ADAMTS9: variants seen among roughly 807,000 people sequenced by gnomAD.
ADAMTS9 encodes the protein A disintegrin and metalloproteinase with thrombospondin motifs 9.
ADAMTS9 carries 107 observed loss-of-function variants against 257.1 expected under a neutral mutation model. The ratio of observed to expected loss-of-function variants is 0.42; its 90% CI spans 0.36 to 0.49. ADAMTS9 has a LOEUF of 0.49. Ranked by LOEUF, ADAMTS9 falls within the 20% of genes least tolerant of loss-of-function variation. ADAMTS9 has a pLI of 0.03. For synonymous variants in ADAMTS9, 982 were observed against 880.9 expected, an observed-to-expected ratio of 1.11 and a Z score of -2.03; for missense variants, 2,353 against 2,469.1, an observed-to-expected ratio of 0.95 and a Z score of 1.00.
At chr3:64,673,454 G>A (rs12486194) in intron 3 of ADAMTS9, among the ~76,000 whole-genome samples, 1,922 of 152,268 alleles carry the variant, frequency 0.013, 25 homozygotes, top group Middle Eastern at 0.041. Context: ...AAGGGAAAAA[G>A]GGGCTATATG....
intron 23 of ADAMTS9, among the ~76,000 whole-genome samples, chr3:64,604,898 C>G (rs1407514532): frequency 6.6e-6 from 1 of 152,208 alleles, no homozygotes; most frequent in African/African-American, 2.4e-5. Context: ...GAACTGAGGT[C>G]ATCTGCGTAC....
At chr3:64,552,364 G>A (rs1183308822) in intron 30 of ADAMTS9, among the ~76,000 whole-genome samples, 2 of 152,106 alleles carry the variant, frequency 1.3e-5, no homozygotes, top group Non-Finnish European at 2.9e-5. Context: ...TGTTGCTAAA[G>A]GTCACTGAAA....
In ADAMTS9 at chr3:64,561,701, C is replaced by A; in HGVS notation, c.4575G>T (p.Gln1525His). 1 of 1,613,662 alleles carries A rather than the reference C, an allele frequency of 6.2e-7. No individual in the cohort carries two copies. Among genetic ancestry groups the A allele is most frequent in the Non-Finnish European group, 8.5e-7 (1 of 1,179,956 alleles). The part of the protein sequence containing the change: ...RGVQQRHVGC[Q>H]IGTHKIARET... ...CTCTGGCTATTTTGTGTGTTCCGAT[C>A]TGACAGCCCACATGCCTCTGCTGTA... The change falls in exon 30 of 40, where the codon CAG becomes CAT. Residue 1525 changes from glutamine (Q) to histidine (H), a missense_variant. Coordinates refer to ENST00000498707, the MANE Select transcript of ADAMTS9 (RefSeq NM_182920.2).
intron 3 of ADAMTS9, among the ~76,000 whole-genome samples, chr3:64,664,447 C>G (rs1158445556): frequency 2.0e-5 from 3 of 152,152 alleles, no homozygotes; most frequent in Non-Finnish European, 4.4e-5. Context: ...CCCCTTTCCT[C>G]AGCCCCTGGC....
chr3:64,586,304 C>T (rs1039437516), intron 28 of ADAMTS9, among the ~76,000 whole-genome samples: 7 of 152,058 alleles, frequency 4.6e-5, no homozygotes, highest in Non-Finnish European at 7.4e-5. Flanking sequence ...AATCAAAGTC[C>T]TCCCTATAAT....
chr3:64,667,354 A>G (rs999093845), intron 3 of ADAMTS9, among the ~76,000 whole-genome samples: 3 of 152,218 alleles, frequency 2.0e-5, no homozygotes, highest in Admixed American at 1.3e-4. Context: ...GCTGAGTCGC[A>G]TGATTGCCAA....
chr3:64,608,258 C>CAAAAA (rs57247914), intron 22 of ADAMTS9, among the ~76,000 whole-genome samples: 6 of 53,304 alleles, frequency 1.1e-4, no homozygotes, highest in East Asian at 4.8e-4. Flanking sequence ...AAACTAAAAC[C>CAAAAA]AAAAAAAAAA....
At position 64,655,594 on chromosome 3, in the gene ADAMTS9, G is replaced by T. The variant is rs148853033; in HGVS notation, c.1151C>A (p.Thr384Asn). The change falls in exon 6 of 40, where the codon ACT (threonine) becomes AAT (asparagine). Residue 384 changes from threonine to asparagine, a missense_variant. Around this residue, in one of 3 missense-constraint regions of ADAMTS9, gnomAD observed 591 missense variants for 569.6 expected, o/e 1.04. Coordinates refer to ENST00000498707, the MANE Select transcript of ADAMTS9 (RefSeq NM_182920.2). ...KNSPGGIHHD[T>N]AVLLTRQDIC... ...CATATACCTTGTTAAGAGAACAGCA[G>T]TATCATGATGGATTCCACCTGGACT... is the stretch of plus-strand genomic sequence containing the variant. 1.2e-6 allele frequency: 2 copies of T among 1,613,498 alleles called. No individual in the cohort carries two copies. The highest frequency in any genetic ancestry group is 3.3e-5 in the Admixed American group (2 of 60,016).
At chr3:64,543,463 A>G (rs1173578049) in intron 32 of ADAMTS9, among the ~76,000 whole-genome samples, 1 of 152,210 alleles carries the variant, frequency 6.6e-6, no homozygotes, top group Non-Finnish European at 1.5e-5. Flanking sequence ...CTGGTTCAAC[A>G]TATGCAAATC....
In ADAMTS9 at chr3:64,522,161, C is replaced by T. The variant is rs1174832606; in HGVS notation, c.*5+5G>A. ...ACACAGACAGACAGACATAGGACTA[C>T]TTACCTTAGCTATAAAACTCGCACC... On this transcript the variant is annotated splice_donor_5th_base_variant and intron_variant, in intron 39 of 39. Coordinates refer to ENST00000498707, the MANE Select transcript of ADAMTS9 (RefSeq NM_182920.2). 9 of 1,612,932 alleles carry T rather than the reference C, an allele frequency of 5.6e-6. No individual in the cohort carries two copies. The highest frequency in any genetic ancestry group is 1.3e-5 in the African/African-American group (1 of 75,024).
chr3:64,522,314 C>T, intron 38 of ADAMTS9, 54 bp from the exon 39 acceptor site: 2 of 1,530,156 alleles, frequency 1.3e-6, no homozygotes. Flanking sequence ...CTTTCAGGGC[C>T]TGCACTGGCT....
At chr3:64,533,144 C>T (rs781672205) in intron 38 of ADAMTS9, 22 bp downstream of exon 38, 19 of 1,585,182 alleles carry the variant, frequency 1.2e-5, no homozygotes, top group Non-Finnish European at 1.6e-5. Context: ...ATTCATCTCC[C>T]AACCCATCTG....
intron 37 of ADAMTS9, among the ~76,000 whole-genome samples, chr3:64,538,984 T>G (rs1385497173): frequency 2.0e-5 from 3 of 152,202 alleles, no homozygotes. Flanking sequence ...AATGCAGAAG[T>G]TAGGCATGTA....
At chr3:64,578,217 C>T (rs1421580290) in intron 28 of ADAMTS9, among the ~76,000 whole-genome samples, 2 of 151,900 alleles carry the variant, frequency 1.3e-5, no homozygotes, top group Admixed American at 1.3e-4. Context: ...GGACAGCACA[C>T]AGTCACTCTC....
Position 64,522,252 on chromosome 3 carries a change from G to C in ADAMTS9, c.5727C>G (p.Thr1909=). ...VSDIKKSPDG[T]RVVGKCGGYC... is the part of the protein sequence containing the mutation. ...AACCACCGCATTTCCCTACGACTCG[G>C]GTACCATCCTGCAAGGAGATGCATC... Residue 1909 remains threonine (T), a synonymous_variant, in exon 39 of 40, where the codon ACC becomes ACG. Transcript: ENST00000498707. 1.2e-6 allele frequency: 2 copies of C among 1,613,936 alleles called. No homozygotes were observed. The highest frequency in any genetic ancestry group is 1.1e-5 in the South Asian group (1 of 91,072).
intron 4 of ADAMTS9, among the ~76,000 whole-genome samples, chr3:64,657,384 T>A (rs1475001978): frequency 2.0e-5 from 3 of 152,222 alleles, no homozygotes; most frequent in African/African-American, 7.2e-5. Flanking sequence ...TCTCCAAGGC[T>A]GATGCACAGT....
rs1416671082 is a variant in ADAMTS9 at position 64,613,483 on chromosome 3, A to G, written c.3216T>C (p.His1072=). ...ACTGACACCAGACCTGGCGGTGCTTATGCCCTTTTCCACAGGTGACCAAGC... is the reference window on the plus strand; with the variant it reads ...ACTGACACCAGACCTGGCGGTGCTTGTGCCCTTTTCCACAGGTGACCAAGC... ...SECLVTCGKG[H]KHRQVWCQFG... Residue 1072 remains histidine (H), a synonymous_variant, in exon 22 of 40, where the codon CAT becomes CAC. Transcript: ENST00000498707. 6.2e-7 allele frequency: 1 copy of G among 1,613,838 alleles called. No homozygotes were observed. The highest frequency in any genetic ancestry group is 8.5e-7 in the Non-Finnish European group (1 of 1,179,822).
intron 37 of ADAMTS9, among the ~76,000 whole-genome samples, chr3:64,538,549 A>G (rs1462970425): frequency 6.6e-6 from 1 of 150,832 alleles, no homozygotes; most frequent in African/African-American, 2.4e-5. Flanking sequence ...TTTTCTGTTT[A>G]TACATTAAAA....
chr3:64,561,720 T>C lies in ADAMTS9; in HGVS notation c.4556A>G (p.Gln1519Arg). The change falls in exon 30 of 40, where the codon CAG (glutamine) becomes CGG (arginine). Residue 1519 changes from glutamine (Q) to arginine (R), a missense_variant. Around this residue, in one of 3 missense-constraint regions of ADAMTS9, gnomAD observed 1,402 missense variants for 1,441.4 expected, o/e 0.97. Coordinates refer to ENST00000498707, the MANE Select transcript of ADAMTS9 (RefSeq NM_182920.2). ...TCCGATCTGACAGCCCACATGCCTC[T>C]GCTGTACGCCTCGGCCACAGGACAC... ...CSVSCGRGVQ[Q>R]RHVGCQIGTH... The C allele has an allele frequency of 6.3e-7, 1 of 1,595,932 alleles. No homozygotes were observed. The highest frequency in any genetic ancestry group is 8.5e-7 in the Non-Finnish European group (1 of 1,170,712).
Sources: allele counts gnomAD v4.1 joint callset (sites outside exome capture counted in the v4.1 genomes callset), GRCh38; gene constraint gnomAD v4.1.1; regional missense constraint gnomAD v4.1.1; transcripts MANE v1.5; gene names NCBI Gene and HGNC (gene_info 2026-07-23, HGNC 2026-07-21).